The following PLEKHM3 variants were observed in gnomAD, a reference collection of about 807,000 sequenced individuals.
The protein encoded by PLEKHM3 is pleckstrin homology domain containing M3, also known as pleckstrin homology domain-containing family M member 3.
In PLEKHM3, 45 loss-of-function variants were observed where a neutral mutation model predicts 81.8. The observed-to-expected ratio is 0.55, with a 90% CI of 0.43 to 0.71. The LOEUF is 0.71. Ranked by LOEUF, PLEKHM3 falls within the 30% of genes least tolerant of loss-of-function variation. The pLI, the probability that PLEKHM3 is intolerant of heterozygous loss-of-function variation, is 0.00. For missense variants in PLEKHM3, 788 were observed against 924.3 expected (o/e 0.85, Z 1.91); for synonymous variants, 352 against 356.4 (o/e 0.99, Z 0.14).
chr2:207,896,997 C>G (rs934474243), intron 6 of PLEKHM3, among the ~76,000 whole-genome samples: 2 of 152,222 alleles, frequency 1.3e-5, no homozygotes, highest in Non-Finnish European at 2.9e-5. Context: ...TGGCAAGATT[C>G]AGAGGGTAGG....
chr2:207,902,374 T>A (rs958176878), intron 6 of PLEKHM3, among the ~76,000 whole-genome samples: 1 of 152,216 alleles, frequency 6.6e-6, no homozygotes, highest in Non-Finnish European at 1.5e-5. Flanking sequence ...TAAAGTATGT[T>A]GTTTAAAAGT....
chr2:207,943,825 G>A (rs973465359), intron 4 of PLEKHM3, among the ~76,000 whole-genome samples: 44 of 125,540 alleles, frequency 3.5e-4, no homozygotes, highest in Non-Finnish European at 6.4e-4. Flanking sequence ...CCGAGATCCC[G>A]CCACTGCACT....
chr2:207,927,328 C>T (rs1689429055), intron 5 of PLEKHM3, among the ~76,000 whole-genome samples: 1 of 152,058 alleles, frequency 6.6e-6, no homozygotes, highest in Non-Finnish European at 1.5e-5. Context: ...TCAGCCTGGG[C>T]AACATGGTGA....
intron 2 of PLEKHM3, among the ~76,000 whole-genome samples, chr2:208,000,050 G>A (rs1204010741): frequency 6.6e-6 from 1 of 152,160 alleles, no homozygotes; most frequent in African/African-American, 2.4e-5. Context: ...GGAAATTCTG[G>A]GGAAAATGGT....
intron 3 of PLEKHM3, among the ~76,000 whole-genome samples, chr2:207,971,072 G>C (rs1691103532): frequency 6.6e-6 from 1 of 152,178 alleles, no homozygotes; most frequent in South Asian, 2.1e-4. Flanking sequence ...CCTACAGTGG[G>C]CCATCCAATT....
At position 207,931,063 on chromosome 2, in the gene PLEKHM3, G is replaced by A. The variant is rs1461048859; in HGVS notation, c.1749C>T (p.Asp583=). The change falls in exon 5 of 8, where the codon GAC becomes GAT. Residue 583 remains aspartate (D), a synonymous_variant. Transcript: ENST00000427836. ...ACAGCATGGCGTTCTCCTGCTGGAT[G>A]TCGATGAGCGGCTCTTCGTACACGT... ...LEYVYEEPLI[D]IQQENAMLYH... The A allele has an allele frequency of 6.2e-7, 1 of 1,614,068 alleles. No individual in the cohort carries two copies. The highest frequency in any genetic ancestry group is 8.5e-7 in the Non-Finnish European group (1 of 1,179,946).
chr2:207,853,588 GCC>G, intron 7 of PLEKHM3, among the ~76,000 whole-genome samples: 1 of 151,376 alleles, frequency 6.6e-6, no homozygotes, highest in East Asian at 2.0e-4. Context: ...ACAAAAATTA[GCC>G]AGGTGTGGTG....
At chr2:207,907,057 C>T (rs905554870) in intron 6 of PLEKHM3, among the ~76,000 whole-genome samples, 1 of 152,074 alleles carries the variant, frequency 6.6e-6, no homozygotes. Flanking sequence ...ATTTAATGAA[C>T]TCTTGAAAGA....
chr2:207,931,001 AGC>A lies in PLEKHM3; in HGVS notation c.1809_1810del (p.Leu604AlafsTer61). ...TCGGAGCGACTTCAGCCGCTGCCGC[AGC>A]CGCAGCACGGCGGCCAGCGGCTCTG... On this transcript the variant is annotated frameshift_variant, in exon 5 of 8. Coordinates refer to ENST00000427836, the MANE Select transcript of PLEKHM3 (RefSeq NM_001080475.3). LOFTEE classifies it high-confidence loss of function. 2 of 1,613,896 alleles carry A rather than the reference AGC, an allele frequency of 1.2e-6. No individual in the cohort carries two copies. Among genetic ancestry groups the A allele is most frequent in the Non-Finnish European group, 1.7e-6 (2 of 1,179,820 alleles).
At chr2:207,968,863 C>A (rs1053151365) in intron 3 of PLEKHM3, among the ~76,000 whole-genome samples, 1 of 152,164 alleles carries the variant, frequency 6.6e-6, no homozygotes, top group African/African-American at 2.4e-5. Context: ...GGCAACAATA[C>A]GCTAAACATT....
intron 1 of PLEKHM3, among the ~76,000 whole-genome samples, chr2:208,010,737 A>G (rs1359632261): frequency 1.3e-5 from 2 of 152,194 alleles, no homozygotes; most frequent in African/African-American, 2.4e-5. Flanking sequence ...GGGGAAGTAG[A>G]CTTAAAGATG....
intron 7 of PLEKHM3, among the ~76,000 whole-genome samples, chr2:207,850,350 T>C (rs748668824): frequency 6.6e-6 from 1 of 152,204 alleles, no homozygotes; most frequent in Non-Finnish European, 1.5e-5. Context: ...CACATTTAAA[T>C]ACAGTGCCAA....
At position 207,952,518 on chromosome 2, in the gene PLEKHM3, A is replaced by G. The variant is rs559568092; in HGVS notation, c.1547-6006T>C. On this transcript the variant is annotated intron_variant, in intron 3 of 7. Transcript: ENST00000427836. ...CTTTCCTAGCTTATAGTCTCTAACC[A>G]TTGGCTCATTAAGTAGTGAAATTTT... Among the ~76,000 whole-genome samples the G allele has an allele frequency of 1.6e-4, 25 of 152,356 alleles. No individual in the cohort carries two copies. In the South Asian group the frequency reaches 5.0e-3, roughly 30 times the overall value.
intron 7 of PLEKHM3, among the ~76,000 whole-genome samples, chr2:207,834,172 C>A (rs2092304415): frequency 6.6e-6 from 1 of 151,030 alleles, no homozygotes; most frequent in South Asian, 2.1e-4. Flanking sequence ...TCTTGTTGGC[C>A]AGGCTGGAGT....
chr2:207,938,276 G>A (rs1689823483), intron 4 of PLEKHM3, among the ~76,000 whole-genome samples: 1 of 152,164 alleles, frequency 6.6e-6, no homozygotes, highest in Non-Finnish European at 1.5e-5. Context: ...TGAGGATAGG[G>A]TTTAGCGCTT....
intron 2 of PLEKHM3, among the ~76,000 whole-genome samples, chr2:207,991,730 C>T (rs1691906820): frequency 6.6e-6 from 1 of 152,126 alleles, no homozygotes; most frequent in Non-Finnish European, 1.5e-5. Context: ...CTTGGGGCAG[C>T]TGTAGCCACT....
At chr2:207,856,935 A>C (rs2092440227) in intron 7 of PLEKHM3, among the ~76,000 whole-genome samples, 1 of 151,528 alleles carries the variant, frequency 6.6e-6, no homozygotes, top group African/African-American at 2.4e-5. Flanking sequence ...TACTCTTTTA[A>C]ATTTGTTCAG....
intron 2 of PLEKHM3, among the ~76,000 whole-genome samples, chr2:207,990,785 A>G (rs1289158708): frequency 2.0e-5 from 3 of 152,242 alleles, no homozygotes; most frequent in African/African-American, 7.2e-5. Flanking sequence ...TTGTTCTGGT[A>G]GAAATGAACT....
chr2:207,901,254 C>A (rs999406630), intron 6 of PLEKHM3: 3 of 703,014 alleles, frequency 4.3e-6, no homozygotes, highest in Non-Finnish European at 7.8e-6. Flanking sequence ...GCCGAGCTCC[C>A]CCGATCCTTC....
Sources: allele counts gnomAD v4.1 joint callset (sites outside exome capture counted in the v4.1 genomes callset), GRCh38; gene constraint gnomAD v4.1.1; transcripts MANE v1.5; gene names NCBI Gene and HGNC (gene_info 2026-07-23, HGNC 2026-07-21).